The following PPP3CA variants were observed in gnomAD, a reference collection of about 807,000 sequenced individuals.
The protein encoded by PPP3CA is CAM-PRP catalytic subunit.
In PPP3CA, 14 loss-of-function variants were observed where a neutral mutation model predicts 66.5. The observed-to-expected ratio is 0.21, with a 90% CI of 0.14 to 0.33. The LOEUF is 0.33. Ranked by LOEUF, PPP3CA falls within the 10% of genes least tolerant of loss-of-function variation. The probability of loss-of-function intolerance (pLI) is 1.00; values close to 1 mark genes in which losing one functional copy is unlikely to be tolerated. For synonymous variants in PPP3CA, 232 were observed against 226.2 expected (o/e 1.03, Z -0.23); for missense variants, 317 against 639.5 (o/e 0.50, Z 5.44).
intron 3 of PPP3CA, among the ~76,000 whole-genome samples, chr4:101,104,542 TC>T (rs370488189): frequency 2.6e-5 from 4 of 152,016 alleles, no homozygotes; most frequent in African/African-American, 9.7e-5. Context: ...AGGCTTTGAA[TC>T]CCAGCACTGC....
At chr4:101,146,738 G>T (rs2110295455) in intron 2 of PPP3CA, among the ~76,000 whole-genome samples, 1 of 152,208 alleles carries the variant, frequency 6.6e-6, no homozygotes, top group South Asian at 2.1e-4. Context: ...ACCACGCCTG[G>T]CCAAGAACCA....
At chr4:101,067,214 C>T (rs553282874) in intron 8 of PPP3CA, among the ~76,000 whole-genome samples, 2 of 152,260 alleles carry the variant, frequency 1.3e-5, no homozygotes, top group African/African-American at 4.8e-5. Context: ...GACTGCCAGT[C>T]CTTTTTCTGA....
chr4:101,346,012 G>A (rs1470703752), intron 1 of PPP3CA, among the ~76,000 whole-genome samples: 2 of 152,140 alleles, frequency 1.3e-5, no homozygotes, highest in African/African-American at 4.8e-5. Context: ...GGGCGTGCGG[G>A]GGAAATCCCG....
chr4:101,083,306 C>A, intron 6 of PPP3CA, 43 bp from the exon 7 acceptor site: 2 of 1,506,388 alleles, frequency 1.3e-6, no homozygotes, highest in South Asian at 2.3e-5. Flanking sequence ...GTTAGGAAAT[C>A]ATCAGGAGTA....
intron 7 of PPP3CA, among the ~76,000 whole-genome samples, chr4:101,081,637 C>CCGTG (rs1287421728): frequency 2.6e-5 from 4 of 152,138 alleles, no homozygotes; most frequent in Non-Finnish European, 5.9e-5. Flanking sequence ...GTAGACTGAA[C>CCGTG]CGTGCCTAAT....
At chr4:101,287,507 T>C (rs2850354) in intron 1 of PPP3CA, among the ~76,000 whole-genome samples, 55,635 of 152,080 alleles carry the variant, frequency 0.37, 15,413 homozygotes, top group African/African-American at 0.75. Context: ...AGTGGCAACA[T>C]GTTAATTTCC....
At chr4:101,222,757 T>C (rs901810214) in intron 1 of PPP3CA, among the ~76,000 whole-genome samples, 2 of 151,674 alleles carry the variant, frequency 1.3e-5, no homozygotes, top group Non-Finnish European at 3.0e-5. Flanking sequence ...TAAATACAAA[T>C]ATGAACGAAC....
At chr4:101,042,462 C>A (rs546233122) in intron 10 of PPP3CA, among the ~76,000 whole-genome samples, 3 of 152,240 alleles carry the variant, frequency 2.0e-5, no homozygotes, top group African/African-American at 7.2e-5. Flanking sequence ...TTATTGCCAG[C>A]TATTCTACCT....
chr4:101,182,218 T>G (rs1388513623), intron 2 of PPP3CA, among the ~76,000 whole-genome samples: 1 of 152,146 alleles, frequency 6.6e-6, no homozygotes, highest in Non-Finnish European at 1.5e-5. Context: ...AGACAGGCAT[T>G]GGGACAGATG....
chr4:101,098,346 T>A, intron 5 of PPP3CA, 21 bp downstream of exon 5: 1 of 1,584,742 alleles, frequency 6.3e-7, no homozygotes, highest in Non-Finnish European at 8.6e-7. Flanking sequence ...ATGATTAGAC[T>A]TGGAAAATAA....
At chr4:101,216,815 T>A (rs1002178551) in intron 1 of PPP3CA, among the ~76,000 whole-genome samples, 5 of 152,086 alleles carry the variant, frequency 3.3e-5, no homozygotes, top group African/African-American at 1.2e-4. Context: ...CCTCCCAAAA[T>A]ACTCAGATTA....
chr4:101,052,898 T>A (rs2695190), intron 10 of PPP3CA, among the ~76,000 whole-genome samples: 1 of 151,768 alleles, frequency 6.6e-6, no homozygotes, highest in Non-Finnish European at 1.5e-5. Flanking sequence ...CTTCCTTTAG[T>A]TATTCAATAT....
intron 2 of PPP3CA, among the ~76,000 whole-genome samples, chr4:101,156,091 C>A (rs1462751338): frequency 6.6e-6 from 1 of 152,176 alleles, no homozygotes; most frequent in Non-Finnish European, 1.5e-5. Context: ...CTAGTACCTG[C>A]TCTATGATTC....
intron 8 of PPP3CA, among the ~76,000 whole-genome samples, chr4:101,080,036 CTTTT>C (rs1056443762): frequency 6.6e-6 from 1 of 151,890 alleles, no homozygotes; most frequent in African/African-American, 2.4e-5. Flanking sequence ...TTGAAGTTTA[CTTTT>C]TTTTGCTTTT....
chr4:101,078,047 T>G (rs1483728836), intron 8 of PPP3CA, among the ~76,000 whole-genome samples: 3 of 152,294 alleles, frequency 2.0e-5, no homozygotes, highest in Non-Finnish European at 2.9e-5. Flanking sequence ...GTTGGGAAAC[T>G]TCTAAGCAGA....
chr4:101,298,620 G>A (rs1162503353), intron 1 of PPP3CA, among the ~76,000 whole-genome samples: 2 of 151,766 alleles, frequency 1.3e-5, no homozygotes, highest in East Asian at 1.9e-4. Context: ...GATTTTCTTC[G>A]TAACATTTTC....
At chr4:101,346,418 C>G (rs934701305) in intron 1 of PPP3CA, among the ~76,000 whole-genome samples, 2 of 152,102 alleles carry the variant, frequency 1.3e-5, no homozygotes, top group Non-Finnish European at 2.9e-5. Flanking sequence ...CAGCTACACC[C>G]TACCAGCAAC....
intron 2 of PPP3CA, among the ~76,000 whole-genome samples, chr4:101,130,001 G>T (rs1322841725): frequency 6.6e-6 from 1 of 152,014 alleles, no homozygotes; most frequent in Non-Finnish European, 1.5e-5. Flanking sequence ...TAAGAACATT[G>T]ATACAAGGTT....
intron 2 of PPP3CA, among the ~76,000 whole-genome samples, chr4:101,164,453 A>G (rs1349559333): frequency 3.3e-5 from 5 of 152,186 alleles, no homozygotes; most frequent in African/African-American, 1.2e-4. Context: ...TGTGTCAATA[A>G]GAAGTTCCTA....
Sources: allele counts gnomAD v4.1 joint callset (sites outside exome capture counted in the v4.1 genomes callset), GRCh38; gene constraint gnomAD v4.1.1; transcripts MANE v1.5; gene names NCBI Gene and HGNC (gene_info 2026-07-23, HGNC 2026-07-21).